The following CLIP1 variants were observed in gnomAD, a reference collection of about 807,000 sequenced individuals.
CLIP1 encodes CAP-Gly domain-containing linker protein 1.
In CLIP1, 66 loss-of-function variants were observed where a neutral mutation model predicts 161.6. The observed-to-expected ratio is 0.41, with a 90% confidence interval of 0.33 to 0.50. The LOEUF is 0.50. Ranked by LOEUF, CLIP1 falls within the 20% of genes least tolerant of loss-of-function variation. CLIP1 has a pLI of 0.27. For missense variants in CLIP1, 1,376 were observed against 1,702.0 expected, an observed-to-expected ratio of 0.81 and a Z score of 3.37; for synonymous variants, 598 against 626.2, an observed-to-expected ratio of 0.96 and a Z score of 0.67.
At chr12:122,376,730 A>G (rs1024376508) in intron 3 of CLIP1, among the ~76,000 whole-genome samples, 3 of 152,046 alleles carry the variant, frequency 2.0e-5, no homozygotes, top group African/African-American at 7.3e-5. Flanking sequence ...TGGGACTCCC[A>G]AAGTGCTGGG....
chr12:122,304,954 A>C (rs1189936988), intron 20 of CLIP1, among the ~76,000 whole-genome samples: 1 of 152,230 alleles, frequency 6.6e-6, no homozygotes, highest in Non-Finnish European at 1.5e-5. Flanking sequence ...ATGGCAGGTG[A>C]CTATTCATGA....
At chr12:122,392,879 T>C (rs1955720327) in intron 1 of CLIP1, among the ~76,000 whole-genome samples, 1 of 152,016 alleles carries the variant, frequency 6.6e-6, no homozygotes, top group Non-Finnish European at 1.5e-5. Context: ...CCTCCCAGGC[T>C]CAAGCAATCC....
chr12:122,390,213 CATAT>C (rs1234659685), intron 1 of CLIP1, among the ~76,000 whole-genome samples: 6 of 114,706 alleles, frequency 5.2e-5, no homozygotes, highest in Admixed American at 2.8e-4. Flanking sequence ...TATATACACA[CATAT>C]ATATACACAC....
intron 9 of CLIP1, among the ~76,000 whole-genome samples, chr12:122,348,552 T>C (rs1338187433): frequency 2.0e-5 from 3 of 152,274 alleles, no homozygotes; most frequent in Admixed American, 1.3e-4. Flanking sequence ...TGTAGCCTGA[T>C]AGGGAACCCA....
chr12:122,383,797 A>G (rs1475277237), intron 1 of CLIP1, among the ~76,000 whole-genome samples: 1 of 152,156 alleles, frequency 6.6e-6, no homozygotes, highest in Admixed American at 6.6e-5. Flanking sequence ...TTTCAAGGTC[A>G]GTGAATGTCA....
chr12:122,357,406 C>T (rs1236863935), intron 5 of CLIP1, among the ~76,000 whole-genome samples: 1 of 151,602 alleles, frequency 6.6e-6, no homozygotes, highest in Middle Eastern at 3.4e-3. Context: ...GCCCGGCAGC[C>T]GCCCTGTCTG....
intron 12 of CLIP1, among the ~76,000 whole-genome samples, chr12:122,335,070 G>C (rs2136292150): frequency 6.6e-6 from 1 of 152,316 alleles, no homozygotes; most frequent in East Asian, 1.9e-4. Context: ...TCAGAAATCT[G>C]TGTGAAATGG....
At chr12:122,295,758 G>T (rs1455517776) in intron 20 of CLIP1, among the ~76,000 whole-genome samples, 1 of 152,158 alleles carries the variant, frequency 6.6e-6, no homozygotes, top group Non-Finnish European at 1.5e-5. Flanking sequence ...TTTTAATTCT[G>T]TCAGTTTTTG....
At chr12:122,370,237 G>A (rs1219688481) in intron 3 of CLIP1, among the ~76,000 whole-genome samples, 1 of 151,908 alleles carries the variant, frequency 6.6e-6, no homozygotes, top group Non-Finnish European at 1.5e-5. Context: ...GAGTGAGAAA[G>A]GGGTGTGAGA....
chr12:122,374,339 G>C (rs569174411), intron 3 of CLIP1, among the ~76,000 whole-genome samples: 3 of 148,364 alleles, frequency 2.0e-5, no homozygotes, highest in African/African-American at 7.7e-5. Context: ...AAAAAATAGC[G>C]GCCGGGCGCA....
Position 122,290,873 on chromosome 12 carries a change from T to A in CLIP1, c.3595-2332A>T, listed in dbSNP as rs142839325. Among the ~76,000 whole-genome samples, 1,449 of 151,532 alleles carry A rather than the reference T, an allele frequency of 9.6e-3. 29 individuals carry two copies. Among genetic ancestry groups the A allele is most frequent in the South Asian group, 0.065 (313 of 4,816 alleles). On this transcript the variant is annotated intron_variant, in intron 20 of 25. Transcript: ENST00000620786. Reference sequence around the variant, plus strand: ...TTTCTTTTTTCTTTTTTTTATTTTTTTTTATTTTTTTTAGTTTTTTAAGTT... The same window carrying A: ...TTTCTTTTTTCTTTTTTTTATTTTTATTTATTTTTTTTAGTTTTTTAAGTT...
At chr12:122,294,255 G>A (rs2136346474) in intron 20 of CLIP1, among the ~76,000 whole-genome samples, 1 of 149,254 alleles carries the variant, frequency 6.7e-6, no homozygotes, top group South Asian at 2.1e-4. Context: ...CGTGAACCTG[G>A]GAGAAGGAGC....
At chr12:122,402,102 G>C (rs771177932) in intron 1 of CLIP1, among the ~76,000 whole-genome samples, 1 of 152,078 alleles carries the variant, frequency 6.6e-6, no homozygotes, top group Non-Finnish European at 1.5e-5. Flanking sequence ...CAGTACAAAT[G>C]TATAATTCTG....
At chr12:122,346,295 C>G (rs1003940327) in intron 10 of CLIP1, among the ~76,000 whole-genome samples, 1 of 152,160 alleles carries the variant, frequency 6.6e-6, no homozygotes, top group African/African-American at 2.4e-5. Context: ...TTCCCTACCT[C>G]CTAGGGTTGT....
At position 122,334,633 on chromosome 12, in the gene CLIP1, TC is replaced by T; in HGVS notation, c.2626+14del. Reference sequence around the variant, plus strand: ...ATTTTTTAAAGCAATCTGCACACGCTCTGGTAAGACATACCTTGCATACTTC... The same window carrying T: ...ATTTTTTAAAGCAATCTGCACACGCTTGGTAAGACATACCTTGCATACTTC... On this transcript the variant is annotated intron_variant, in intron 13 of 25. Transcript: ENST00000620786. The T allele has an allele frequency of 6.4e-7, 1 of 1,560,558 alleles. No individual in the cohort carries two copies. Among genetic ancestry groups the T allele is most frequent in the Non-Finnish European group, 8.7e-7 (1 of 1,143,752 alleles).
chr12:122,377,563 G>A lies in CLIP1; in HGVS notation c.483C>T (p.Pro161=), dbSNP rs965653543. The change falls in exon 3 of 26, where the codon CCC becomes CCT. Residue 161 remains proline (P), a synonymous_variant. Transcript: ENST00000620786. ...TSTASMVSSS[P]STPSNIPQKP... ...TCTGAGGGATGTTTGAAGGGGTGGAGGGGGAGGAAGACACCATGCTGGCCG... is the reference window on the plus strand; with the variant it reads ...TCTGAGGGATGTTTGAAGGGGTGGAAGGGGAGGAAGACACCATGCTGGCCG... 2 of 1,613,986 alleles carry A rather than the reference G, an allele frequency of 1.2e-6. No individual in the cohort carries two copies. Among genetic ancestry groups the A allele is most frequent in the South Asian group, 1.1e-5 (1 of 91,082 alleles).
intron 5 of CLIP1, among the ~76,000 whole-genome samples, chr12:122,357,813 T>TGG (rs550896070): frequency 1.0e-5 from 1 of 96,158 alleles, no homozygotes; most frequent in Non-Finnish European, 2.1e-5. Flanking sequence ...GGGAGGGAGG[T>TGG]GGGGGGGGTC....
chr12:122,297,914 A>G (rs1036183292), intron 20 of CLIP1, among the ~76,000 whole-genome samples: 5 of 152,190 alleles, frequency 3.3e-5, no homozygotes, highest in African/African-American at 1.2e-4. Context: ...CGGCAGGGTC[A>G]TGTCGCCCTC....
chr12:122,403,086 A>G (rs1956194930), intron 1 of CLIP1, among the ~76,000 whole-genome samples: 1 of 152,136 alleles, frequency 6.6e-6, no homozygotes, highest in South Asian at 2.1e-4. Flanking sequence ...ATAATACCCC[A>G]GGCCCCCCTG....
Sources: allele counts gnomAD v4.1 joint callset (sites outside exome capture counted in the v4.1 genomes callset), GRCh38; gene constraint gnomAD v4.1.1; transcripts MANE v1.5; gene names NCBI Gene and HGNC (gene_info 2026-07-23, HGNC 2026-07-21).